Variants in SYTL2 observed in about 807,000 individuals in gnomAD.
The protein encoded by SYTL2 is synaptotagmin like 2.
In SYTL2, 165 loss-of-function variants were observed where a neutral mutation model predicts 198.7. The ratio of observed to expected loss-of-function variants is 0.83; its 90% confidence interval spans 0.73 to 0.94. The LOEUF is 0.94. SYTL2 is among the 40% of genes least tolerant of loss of function. The pLI, the probability that SYTL2 is intolerant of heterozygous loss-of-function variation, is 0.00. For synonymous variants in SYTL2, 966 were observed against 917.7 expected (o/e 1.05, Z -0.95); for missense variants, 2,835 against 2,582.8 (o/e 1.10, Z -2.12).
chr11:85,695,160 G>C lies in SYTL2; in HGVS notation c.*35C>G. On this transcript the variant is annotated 3_prime_UTR_variant, in exon 20 of 20. Coordinates refer to ENST00000359152, the MANE Select transcript of SYTL2 (RefSeq NM_206927.4). ...TTCAAGATCAGATTCCACCGGTTTA[G>C]TAGTTTTCAGTGGAGGAGCCAGTGG... 6.3e-7 allele frequency: 1 copy of C among 1,594,546 alleles called. No homozygotes were observed. The highest frequency in any genetic ancestry group is 8.6e-7 in the Non-Finnish European group (1 of 1,168,832).
the SYTL2 span, among the ~76,000 whole-genome samples, chr11:85,832,160 CA>C: frequency 4.3e-3 from 662 of 152,230 alleles, 6 homozygotes; most frequent in African/African-American, 0.015. Context: ...ATCTGGCAAA[CA>C]ATAATAAAAG....
At chr11:85,812,352 T>G (rs889531715), upstream of SYTL2, among the ~76,000 whole-genome samples, 7 of 152,202 alleles carry the variant, frequency 4.6e-5, no homozygotes, top group African/African-American at 1.7e-4. Context: ...TAGTGCCCAG[T>G]GCAGGCTGCT....
At chr11:85,736,995 A>G (rs959284715) in intron 5 of SYTL2, among the ~76,000 whole-genome samples, 7 of 152,220 alleles carry the variant, frequency 4.6e-5, no homozygotes, top group African/African-American at 1.7e-4. Context: ...CCAGACTCTC[A>G]GTGTGCTAGA....
intron 1 of SYTL2, among the ~76,000 whole-genome samples, chr11:85,775,750 G>T (rs2092441220): frequency 6.6e-6 from 1 of 152,182 alleles, no homozygotes; most frequent in Admixed American, 6.5e-5. Flanking sequence ...CAAAGTGCTA[G>T]GATTACGGGT....
chr11:85,727,413 A>C lies in SYTL2; in HGVS notation c.1945T>G (p.Tyr649Asp). 1 of 1,536,356 alleles carries C rather than the reference A, an allele frequency of 6.5e-7. No individual in the cohort carries two copies. Among genetic ancestry groups the C allele is most frequent in the Non-Finnish European group, 8.7e-7 (1 of 1,146,926 alleles). The change falls in exon 8 of 20, where the codon TAT (tyrosine) becomes GAT (aspartate). Residue 649 changes from tyrosine (Y) to aspartate (D), a missense_variant. Around this residue, in one of 3 missense-constraint regions of SYTL2, gnomAD observed 2,645 missense variants for 2,381.7 expected, o/e 1.11. Coordinates refer to ENST00000359152, the MANE Select transcript of SYTL2 (RefSeq NM_206927.4). ...TPSQGSKNMD[Y>D]SQDSKSPGKG... ...CCTGGGCTTTTTGAATCTTGGCTAT[A>C]GTCCATATTTTTACTCCCTTGACTT...
At chr11:85,709,615 T>C in intron 13 of SYTL2, 115 bp from the exon 14 acceptor site, 1 of 947,424 alleles carries the variant, frequency 1.1e-6, no homozygotes, top group South Asian at 1.5e-5. Context: ...ATAAAAGCAG[T>C]TAATTCAATA....
At chr11:85,785,319 A>C (rs182856352) in intron 1 of SYTL2, among the ~76,000 whole-genome samples, 19 of 152,356 alleles carry the variant, frequency 1.2e-4, no homozygotes, top group African/African-American at 3.8e-4. Context: ...GGATGAGCTC[A>C]AGCAAGCAAC....
chr11:85,825,139 C>A, the SYTL2 span, among the ~76,000 whole-genome samples: 1 of 152,254 alleles, frequency 6.6e-6, no homozygotes, highest in East Asian at 1.9e-4. Flanking sequence ...TCTAAAGGAC[C>A]ATGAGTTGGG....
At chr11:85,846,150 G>A in the SYTL2 span, among the ~76,000 whole-genome samples, 1 of 152,184 alleles carries the variant, frequency 6.6e-6, no homozygotes, top group African/African-American at 2.4e-5. Context: ...GTGGACCACA[G>A]TACCTATACT....
At chr11:85,741,821 C>A (rs1264009084) in intron 4 of SYTL2, among the ~76,000 whole-genome samples, 1 of 152,146 alleles carries the variant, frequency 6.6e-6, no homozygotes, top group Non-Finnish European at 1.5e-5. Context: ...TTGATTGGTT[C>A]CTATTCAACA....
intron 1 of SYTL2, among the ~76,000 whole-genome samples, chr11:85,767,615 A>AACC (rs967023952): frequency 5.3e-5 from 8 of 152,192 alleles, no homozygotes; most frequent in Admixed American, 2.0e-4. Flanking sequence ...ATACACTCCT[A>AACC]ACCAGACTGG....
At chr11:85,779,082 AAAC>A (rs895832962) in intron 1 of SYTL2, among the ~76,000 whole-genome samples, 25 of 152,272 alleles carry the variant, frequency 1.6e-4, no homozygotes, top group African/African-American at 6.0e-4. Context: ...ATATACATAA[AAAC>A]TACTATACAT....
At chr11:85,695,566 T>C (rs2083295068) in intron 19 of SYTL2, among the ~76,000 whole-genome samples, 1 of 152,134 alleles carries the variant, frequency 6.6e-6, no homozygotes, top group South Asian at 2.1e-4. Context: ...TTCTTCAAGT[T>C]AATGTAAAGG....
intron 5 of SYTL2, among the ~76,000 whole-genome samples, chr11:85,737,035 G>A (rs1340242561): frequency 6.6e-6 from 1 of 152,108 alleles, no homozygotes; most frequent in Non-Finnish European, 1.5e-5. Flanking sequence ...AACTGTAATT[G>A]ACCTTTCCTA....
intron 1 of SYTL2, among the ~76,000 whole-genome samples, chr11:85,797,274 T>C (rs777552705): frequency 3.3e-5 from 5 of 152,106 alleles, no homozygotes; most frequent in South Asian, 2.1e-4. Flanking sequence ...TTAAATGATA[T>C]TGTATGTGAA....
At chr11:85,783,545 A>T (rs968904520) in intron 1 of SYTL2, among the ~76,000 whole-genome samples, 2 of 152,236 alleles carry the variant, frequency 1.3e-5, no homozygotes, top group Middle Eastern at 3.2e-3. Flanking sequence ...AAAAATAGTT[A>T]ATATTAGTTA....
chr11:85,744,545 T>C (rs2091019135), intron 4 of SYTL2, among the ~76,000 whole-genome samples: 1 of 152,202 alleles, frequency 6.6e-6, no homozygotes, highest in Non-Finnish European at 1.5e-5. Flanking sequence ...AGAGTACCCA[T>C]AGAGTCAGTA....
intron 12 of SYTL2, among the ~76,000 whole-genome samples, chr11:85,713,323 A>C (rs370703961): frequency 2.4e-4 from 36 of 152,192 alleles, no homozygotes; most frequent in Non-Finnish European, 4.7e-4. Context: ...CCAAAACTAC[A>C]AACAGTAGCA....
chr11:85,797,566 T>A (rs1426018537), intron 1 of SYTL2, among the ~76,000 whole-genome samples: 1 of 149,788 alleles, frequency 6.7e-6, no homozygotes, highest in East Asian at 2.0e-4. Context: ...AGGCAGACAT[T>A]GCAGTGAGCT....
Sources: gnomAD v4.1 joint callset for allele counts (sites outside exome capture counted in the v4.1 genomes callset) on GRCh38, gnomAD v4.1.1 for gene constraint, gnomAD v4.1.1 regional missense constraint, MANE v1.5 for transcripts, NCBI Gene and HGNC (gene_info 2026-07-23, HGNC 2026-07-21) for gene names.